The following VPS8 variants were observed in gnomAD, a reference collection of about 807,000 sequenced individuals.
VPS8 encodes the protein vacuolar protein sorting-associated protein 8 homolog.
A neutral mutation model predicts 216.4 loss-of-function variants in VPS8; 129 were observed. The observed-to-expected ratio is 0.60, with a 90% confidence interval of 0.52 to 0.69. The LOEUF (loss-of-function observed/expected upper bound fraction) is 0.69. Ranked by LOEUF, VPS8 falls within the 30% of genes least tolerant of loss-of-function variation. The probability of loss-of-function intolerance (pLI) is 0.00; values close to 1 mark genes in which losing one functional copy is unlikely to be tolerated. For synonymous variants in VPS8, 571 were observed against 565.4 expected (o/e 1.01, Z -0.14); for missense variants, 1,531 against 1,683.5 (o/e 0.91, Z 1.59).
intron 42 of VPS8, among the ~76,000 whole-genome samples, chr3:184,986,479 C>A (rs756937600): frequency 6.6e-6 from 1 of 152,148 alleles, no homozygotes; most frequent in Non-Finnish European, 1.5e-5. Context: ...GAGTAAAACA[C>A]AGGGCTGAAA....
chr3:184,880,919 T>C (rs1730157340), intron 21 of VPS8, among the ~76,000 whole-genome samples: 1 of 152,220 alleles, frequency 6.6e-6, no homozygotes, highest in African/African-American at 2.4e-5. Context: ...CTAATGATGT[T>C]AAACATCTTT....
At chr3:184,977,333 T>A (rs1465349184) in intron 40 of VPS8, among the ~76,000 whole-genome samples, 2 of 152,200 alleles carry the variant, frequency 1.3e-5, no homozygotes, top group African/African-American at 4.8e-5. Context: ...TGATGTAAGT[T>A]CCTTATAGAT....
intron 8 of VPS8, among the ~76,000 whole-genome samples, chr3:184,846,851 A>G (rs192972098): frequency 6.6e-6 from 1 of 152,384 alleles, no homozygotes; most frequent in South Asian, 2.1e-4. Context: ...TCCACTAACT[A>G]TACAGCGTGG....
intron 45 of VPS8, among the ~76,000 whole-genome samples, chr3:185,018,862 C>G (rs537874988): frequency 6.6e-6 from 1 of 152,118 alleles, no homozygotes; most frequent in Non-Finnish European, 1.5e-5. Flanking sequence ...AGTGGTCGCT[C>G]GAGGCGCTGC....
intron 2 of VPS8, among the ~76,000 whole-genome samples, chr3:184,825,804 T>C (rs1292286638): frequency 6.6e-6 from 1 of 151,446 alleles, no homozygotes; most frequent in African/African-American, 2.4e-5. Context: ...CTTGGGGGAC[T>C]GAGGCAGAAT....
intron 24 of VPS8, among the ~76,000 whole-genome samples, chr3:184,899,676 T>C (rs1734130147): frequency 6.6e-6 from 1 of 152,214 alleles, no homozygotes; most frequent in Non-Finnish European, 1.5e-5. Context: ...AGCTGCCTTC[T>C]CAGTGAGGTC....
At chr3:185,010,153 G>A (rs560465293) in intron 45 of VPS8, among the ~76,000 whole-genome samples, 1 of 152,176 alleles carries the variant, frequency 6.6e-6, no homozygotes, top group Non-Finnish European at 1.5e-5. Flanking sequence ...CCTCAGTAGT[G>A]GGGAAAAAAA....
At chr3:185,048,369 T>C in intron 46 of VPS8, 110 bp from the exon 47 acceptor site, 1 of 1,080,426 alleles carries the variant, frequency 9.3e-7, no homozygotes, top group East Asian at 2.4e-5. Flanking sequence ...CATGGATTGT[T>C]TTCAGGAGAA....
At chr3:184,872,251 A>T (rs1728470563) in intron 21 of VPS8, among the ~76,000 whole-genome samples, 1 of 152,036 alleles carries the variant, frequency 6.6e-6, no homozygotes, top group Non-Finnish European at 1.5e-5. Context: ...ATCTAGTAGA[A>T]AAAGCTAGGA....
intron 1 of VPS8, chr3:184,813,869 T>G (rs1282946920): frequency 6.6e-6 from 1 of 152,208 alleles, no homozygotes. Flanking sequence ...TTTAATGAAG[T>G]ATGTTTAACT....
At chr3:185,033,843 C>A (rs1282492396) in intron 46 of VPS8, among the ~76,000 whole-genome samples, 2 of 152,174 alleles carry the variant, frequency 1.3e-5, no homozygotes, top group Non-Finnish European at 2.9e-5. Context: ...GTAATGGTAT[C>A]TCATTTTCTT....
At chr3:185,024,973 G>T (rs997052520) in intron 46 of VPS8, among the ~76,000 whole-genome samples, 1 of 149,648 alleles carries the variant, frequency 6.7e-6, no homozygotes, top group Admixed American at 6.6e-5. Flanking sequence ...CTGCACTCCA[G>T]CCTGGGCAAC....
At chr3:184,864,957 GTTA>G (rs943886264) in intron 16 of VPS8, among the ~76,000 whole-genome samples, 21 of 152,120 alleles carry the variant, frequency 1.4e-4, no homozygotes, top group Admixed American at 1.2e-3. Context: ...AGTTAAAAAA[GTTA>G]AGTAGAGACA....
Position 184,824,659 on chromosome 3 carries a change from T to C in VPS8, c.27T>C (p.Asn9=). 1 of 1,613,840 alleles carries C rather than the reference T, an allele frequency of 6.2e-7. No individual in the cohort carries two copies. The highest frequency in any genetic ancestry group is 1.1e-5 in the South Asian group (1 of 91,072). Residue 9 remains asparagine (N), a synonymous_variant, in exon 2 of 48, where the codon AAT becomes AAC. Transcript: ENST00000625842. ...TGGAAAATGAACCAGACCATGAAAA[T>C]GTGGAACAGAGCCTCTGTGCCAAGA... MENEPDHE[N]VEQSLCAKTS... is the part of the protein sequence containing the mutation.
chr3:184,966,996 T>C (rs1446993562), intron 39 of VPS8, among the ~76,000 whole-genome samples: 6 of 152,054 alleles, frequency 3.9e-5, no homozygotes, highest in African/African-American at 1.2e-4. Flanking sequence ...TGACAGGCTT[T>C]CGCTCTGTTG....
intron 45 of VPS8, among the ~76,000 whole-genome samples, chr3:185,010,354 T>G (rs1754841806): frequency 6.6e-6 from 1 of 152,262 alleles, no homozygotes; most frequent in Middle Eastern, 3.4e-3. Flanking sequence ...GATCAAAAAT[T>G]ACTAGGCATG....
rs553705940 is a variant in VPS8, at chr3:185,011,515, G to A, written c.4002+11654G>A. 9.8e-5 allele frequency among the ~76,000 whole-genome samples: 15 copies of A among 152,356 alleles called. No homozygotes were observed. In the South Asian group the frequency reaches 3.1e-3, roughly 32 times the overall value. On this transcript the variant is annotated intron_variant, in intron 45 of 47. Transcript: ENST00000625842. ...GAGGGAGCCCCAAGTTCTCTTTGCA[G>A]TTTTCCAAATTGTGTACAGACAGAC...
intron 36 of VPS8, among the ~76,000 whole-genome samples, chr3:184,951,616 T>C (rs1560831106): frequency 6.6e-6 from 1 of 152,224 alleles, no homozygotes; most frequent in Admixed American, 6.5e-5. Flanking sequence ...GGATATGTGC[T>C]CCAACCTGAA....
At chr3:184,928,824 G>C (rs1304845187) in intron 32 of VPS8, among the ~76,000 whole-genome samples, 1 of 151,882 alleles carries the variant, frequency 6.6e-6, no homozygotes, top group African/African-American at 2.4e-5. Context: ...ATATTTCCAT[G>C]TTTCATAAAT....
Sources: allele counts gnomAD v4.1 joint callset (sites outside exome capture counted in the v4.1 genomes callset), GRCh38; gene constraint gnomAD v4.1.1; transcripts MANE v1.5; gene names NCBI Gene and HGNC (gene_info 2026-07-23, HGNC 2026-07-21).